The following STPG2 variants were observed in gnomAD, a reference collection of about 807,000 sequenced individuals.
The protein encoded by STPG2 is sperm tail PG-rich repeat containing 2.
STPG2 carries 56 observed loss-of-function variants against 54.2 expected under a neutral mutation model. The observed-to-expected ratio is 1.03, with a 90% CI of 0.83 to 1.29. STPG2 has a LOEUF of 1.29. Ranked by LOEUF, STPG2 falls within the 50% of genes most tolerant of loss-of-function variation. The probability of loss-of-function intolerance (pLI) is 0.00; values close to 1 mark genes in which losing one functional copy is unlikely to be tolerated. For synonymous variants in STPG2, 200 were observed against 181.8 expected, an observed-to-expected ratio of 1.10 and a Z score of -0.81; for missense variants, 596 against 544.9, an observed-to-expected ratio of 1.09 and a Z score of -0.93.
intron 5 of STPG2, among the ~76,000 whole-genome samples, chr4:98,060,464 T>A (rs1415393698): frequency 6.6e-6 from 1 of 152,160 alleles, no homozygotes; most frequent in Non-Finnish European, 1.5e-5. Flanking sequence ...ATATGGAGAA[T>A]CAATATTGTT....
intron 4 of STPG2, among the ~76,000 whole-genome samples, chr4:97,457,634 AC>A (rs1418699586): frequency 2.0e-5 from 3 of 152,220 alleles, no homozygotes; most frequent in Non-Finnish European, 2.9e-5. Flanking sequence ...AAAACAAACA[AC>A]AAAAAAAACC....
At chr4:97,774,706 T>TTC (rs1281762061) in intron 9 of STPG2, among the ~76,000 whole-genome samples, 2 of 152,168 alleles carry the variant, frequency 1.3e-5, no homozygotes, top group Admixed American at 1.3e-4. Flanking sequence ...TTTTAACTCA[T>TTC]TCTCACACAC....
intron 1 of STPG2, among the ~76,000 whole-genome samples, chr4:98,139,913 G>C (rs1030295040): frequency 7.9e-5 from 12 of 152,046 alleles, no homozygotes; most frequent in African/African-American, 2.9e-4. Flanking sequence ...ATGTGTTATG[G>C]TATTCACCTA....
chr4:97,941,518 T>A (rs1732984112), intron 8 of STPG2, among the ~76,000 whole-genome samples: 1 of 152,064 alleles, frequency 6.6e-6, no homozygotes, highest in Non-Finnish European at 1.5e-5. Flanking sequence ...ATGTCATGGT[T>A]TTTTTAAAAG....
chr4:97,717,628 G>T (rs1724331292), intron 9 of STPG2, among the ~76,000 whole-genome samples: 1 of 152,146 alleles, frequency 6.6e-6, no homozygotes, highest in Non-Finnish European at 1.5e-5. Flanking sequence ...CCTGTCAAGT[G>T]AAGTCTTTCA....
At chr4:97,858,714 G>A (rs6825238) in intron 8 of STPG2, among the ~76,000 whole-genome samples, 19,394 of 152,156 alleles carry the variant, frequency 0.13, 1,896 homozygotes, top group African/African-American at 0.26. Flanking sequence ...CCAGGTTGCT[G>A]TGAATGCCAT....
intron 9 of STPG2, among the ~76,000 whole-genome samples, chr4:97,837,693 C>T (rs1177689620): frequency 1.3e-5 from 2 of 151,470 alleles, no homozygotes; most frequent in Non-Finnish European, 3.0e-5. Flanking sequence ...TTAATTTAGA[C>T]TAATGAAAAT....
chr4:98,028,669 G>A (rs1481089028), intron 5 of STPG2, among the ~76,000 whole-genome samples: 2 of 152,056 alleles, frequency 1.3e-5, no homozygotes, highest in Non-Finnish European at 2.9e-5. Context: ...GTTTCGTTGT[G>A]GAGAACAGAG....
chr4:97,844,022 G>C (rs1006655162), intron 8 of STPG2, among the ~76,000 whole-genome samples: 2 of 151,660 alleles, frequency 1.3e-5, no homozygotes, highest in African/African-American at 4.8e-5. Context: ...GAGGTTTCAG[G>C]AGGTATGAAA....
chr4:97,648,500 T>A (rs1356101309), intron 10 of STPG2, among the ~76,000 whole-genome samples: 1 of 152,174 alleles, frequency 6.6e-6, no homozygotes, highest in Non-Finnish European at 1.5e-5. Context: ...TTTACTTGAA[T>A]CGATCTTATG....
At chr4:97,665,413 C>T (rs1319971205) in intron 10 of STPG2, among the ~76,000 whole-genome samples, 2 of 152,124 alleles carry the variant, frequency 1.3e-5, no homozygotes, top group African/African-American at 4.8e-5. Flanking sequence ...GAGGATGTCC[C>T]AACAAGTGTT....
intron 8 of STPG2, among the ~76,000 whole-genome samples, chr4:97,938,507 CTG>C (rs1732847235): frequency 6.7e-6 from 1 of 149,280 alleles, no homozygotes; most frequent in Non-Finnish European, 1.5e-5. Flanking sequence ...CCACCCACCC[CTG>C]CAGGAACTCT....
At chr4:98,057,095 T>G (rs985208412) in intron 5 of STPG2, among the ~76,000 whole-genome samples, 5 of 152,156 alleles carry the variant, frequency 3.3e-5, no homozygotes, top group African/African-American at 1.2e-4. Flanking sequence ...CCCACAAAGA[T>G]GAGAAAGAAT....
At chr4:98,007,631 C>A (rs1735615490) in intron 5 of STPG2, among the ~76,000 whole-genome samples, 1 of 151,724 alleles carries the variant, frequency 6.6e-6, no homozygotes, top group South Asian at 2.1e-4. Flanking sequence ...TTGTGAAATG[C>A]AAGATAAAGA....
At chr4:97,581,121 T>C (rs901175356) in intron 10 of STPG2, among the ~76,000 whole-genome samples, 16 of 152,102 alleles carry the variant, frequency 1.1e-4, no homozygotes, top group African/African-American at 2.7e-4. Context: ...GCTATTTCCA[T>C]TTCAATGAAT....
intron 8 of STPG2, among the ~76,000 whole-genome samples, chr4:97,841,372 AGTTAG>A (rs1386333509): frequency 6.6e-6 from 1 of 151,748 alleles, no homozygotes; most frequent in Non-Finnish European, 1.5e-5. Flanking sequence ...ATTACAATTA[AGTTAG>A]AAGGCTTCCT....
chr4:97,508,621 CA>C (rs964974282), intron 4 of STPG2, among the ~76,000 whole-genome samples: 12 of 151,904 alleles, frequency 7.9e-5, no homozygotes, highest in Admixed American at 2.0e-4. Context: ...CTGTGTTATT[CA>C]AAATAGTTTA....
chr4:97,907,767 A>G (rs1731500486), intron 8 of STPG2, among the ~76,000 whole-genome samples: 1 of 152,222 alleles, frequency 6.6e-6, no homozygotes, highest in South Asian at 2.1e-4. Context: ...AGCAATGGGG[A>G]AAGGATTCCC....
chr4:97,548,753 A>G (rs964444356), intron 4 of STPG2, among the ~76,000 whole-genome samples: 9 of 152,118 alleles, frequency 5.9e-5, no homozygotes, highest in African/African-American at 2.2e-4. Flanking sequence ...TTTTGTTTCT[A>G]AACAGAAAAA....
Sources: gnomAD v4.1 joint callset for allele counts (sites outside exome capture counted in the v4.1 genomes callset) on GRCh38, gnomAD v4.1.1 for gene constraint, MANE v1.5 for transcripts, NCBI Gene and HGNC (gene_info 2026-07-23, HGNC 2026-07-21) for gene names.